Variants in GTF3C5 observed in about 807,000 individuals in gnomAD.
GTF3C5 encodes the protein general transcription factor 3C polypeptide 5.
A neutral mutation model predicts 61.0 loss-of-function variants in GTF3C5; 47 were observed. The ratio of observed to expected loss-of-function variants is 0.77; its 90% CI spans 0.61 to 0.98. GTF3C5 has a LOEUF of 0.98. Among genes scored for constraint, GTF3C5 ranks in the 50% least tolerant of loss-of-function variants. The probability of loss-of-function intolerance (pLI) is 0.00; values close to 1 mark genes in which losing one functional copy is unlikely to be tolerated. For synonymous variants in GTF3C5, 295 were observed against 275.4 expected (o/e 1.07, Z -0.71); for missense variants, 659 against 703.3 (o/e 0.94, Z 0.71).
At chr9:133,042,031 C>T in intron 1 of GTF3C5, 56 bp from the exon 2 acceptor site, 1 of 1,210,496 alleles carries the variant, frequency 8.3e-7, no homozygotes, top group Non-Finnish European at 1.2e-6. Context: ...GAGCAGCTCC[C>T]CACTGGCTGC....
chr9:133,034,173 T>C (rs989103285), intron 1 of GTF3C5, among the ~76,000 whole-genome samples: 13 of 152,132 alleles, frequency 8.5e-5, no homozygotes, highest in Non-Finnish European at 1.6e-4. Context: ...AGTGGAGCGA[T>C]GGATAAGTTA....
chr9:133,042,382 G>T, intron 2 of GTF3C5, 76 bp downstream of exon 2: 4 of 973,640 alleles, frequency 4.1e-6, no homozygotes, highest in Middle Eastern at 2.3e-4. Context: ...AGCTGTGTGG[G>T]TCATCTGCAC....
intron 10 of GTF3C5, among the ~76,000 whole-genome samples, 163 bp downstream of exon 10, chr9:133,057,071 G>A (rs940662229): frequency 6.6e-6 from 1 of 152,218 alleles, no homozygotes; most frequent in Non-Finnish European, 1.5e-5. Context: ...GCCCAGCCCA[G>A]GTGCTGGCAT....
At chr9:133,049,123 C>G (rs893164750) in intron 3 of GTF3C5, among the ~76,000 whole-genome samples, 1 of 152,222 alleles carries the variant, frequency 6.6e-6, no homozygotes, top group African/African-American at 2.4e-5. Context: ...ACTTTGCCAT[C>G]AGCACCCTTC....
At chr9:133,038,248 C>T (rs1849933855) in intron 1 of GTF3C5, among the ~76,000 whole-genome samples, 1 of 152,040 alleles carries the variant, frequency 6.6e-6, no homozygotes. Context: ...ATCTAATATC[C>T]GGGACACTGA....
At chr9:133,035,935 C>T (rs987747507) in intron 1 of GTF3C5, among the ~76,000 whole-genome samples, 2 of 152,296 alleles carry the variant, frequency 1.3e-5, no homozygotes, top group Non-Finnish European at 1.5e-5. Context: ...AGCCCGAAGG[C>T]GTACTTGGAA....
intron 3 of GTF3C5, among the ~76,000 whole-genome samples, chr9:133,046,680 G>A (rs1473402261): frequency 1.3e-5 from 2 of 152,182 alleles, no homozygotes; most frequent in Non-Finnish European, 2.9e-5. Context: ...CGGAGCATGA[G>A]TACATGGCTG....
intron 2 of GTF3C5, among the ~76,000 whole-genome samples, chr9:133,042,993 G>A (rs1850084080): frequency 6.6e-6 from 1 of 152,240 alleles, no homozygotes; most frequent in South Asian, 2.1e-4. Context: ...TGGCCCACAG[G>A]AGGTGCCTGG....
In GTF3C5 at chr9:133,042,234, A is replaced by G. The variant is rs779793365; in HGVS notation, c.301A>G (p.Thr101Ala). The G allele has an allele frequency of 1.2e-6, 2 of 1,613,738 alleles. No homozygotes were observed. The highest frequency in any genetic ancestry group is 1.1e-5 in the South Asian group (1 of 91,070). ...RTRRQKGVLG[T>A]EAHSEVTFDM... ...GAGGCGGCAGAAAGGGGTGCTGGGCACTGAGGCCCACTCCGAGGTCACATT... is the reference window on the plus strand; with the variant it reads ...GAGGCGGCAGAAAGGGGTGCTGGGCGCTGAGGCCCACTCCGAGGTCACATT... The change falls in exon 2 of 11, where the codon ACT (threonine) becomes GCT (alanine). Residue 101 changes from threonine to alanine, a missense_variant. By Grantham distance (58) the Thr-to-Ala change is moderately conservative. Coordinates refer to ENST00000372097, the MANE Select transcript of GTF3C5 (RefSeq NM_012087.4).
chr9:133,032,369 G>A (rs984999932), intron 1 of GTF3C5, among the ~76,000 whole-genome samples: 8 of 152,178 alleles, frequency 5.3e-5, no homozygotes, highest in African/African-American at 1.4e-4. Context: ...GTGACGGGAC[G>A]AGCGATTTCG....
Position 133,043,937 on chromosome 9 carries a change from C to T in GTF3C5, c.572+11C>T, listed in dbSNP as rs775157297. The T allele has an allele frequency of 3.1e-6, 5 of 1,602,152 alleles. No individual in the cohort carries two copies. The highest frequency in any genetic ancestry group is 1.1e-5 in the South Asian group (1 of 90,768). On this transcript the variant is annotated intron_variant, in intron 3 of 10. Coordinates refer to ENST00000372097, the MANE Select transcript of GTF3C5 (RefSeq NM_012087.4). ...AGAGACCCAGCACCGGTAAGGCCCC[C>T]CTCCATGCAGCCTCGGTTCTCTATC...
At chr9:133,044,035 C>T (rs1232970701) in intron 3 of GTF3C5, 109 bp downstream of exon 3, 8 of 771,368 alleles carry the variant, frequency 1.0e-5, no homozygotes, top group Non-Finnish European at 1.5e-5. Context: ...ATTCCAGCTA[C>T]TCGGGAGGCT....
At chr9:133,048,067 T>G (rs1333865067) in intron 3 of GTF3C5, among the ~76,000 whole-genome samples, 1 of 152,096 alleles carries the variant, frequency 6.6e-6, no homozygotes. Context: ...AGGTCAAAGC[T>G]GCAGTGAGCT....
At chr9:133,045,292 T>G (rs1203921891) in intron 3 of GTF3C5, among the ~76,000 whole-genome samples, 1 of 152,088 alleles carries the variant, frequency 6.6e-6, no homozygotes, top group Non-Finnish European at 1.5e-5. Flanking sequence ...ATCGTACACA[T>G]GAGGAAGCCG....
rs938239957 is a variant in GTF3C5 at position 133,058,263 on chromosome 9, A to G, written c.*283A>G. ...CATCCAGCCAGTGAGTGGGCACCCA[A>G]TGCCTCTCAGGATGAGACCAGTAAA... is the stretch of plus-strand genomic sequence containing the variant. On this transcript the variant is annotated 3_prime_UTR_variant, in exon 11 of 11. Coordinates refer to ENST00000372097, the MANE Select transcript of GTF3C5 (RefSeq NM_012087.4). 9.1e-5 allele frequency: 69 copies of G among 758,230 alleles called. No homozygotes were observed. Among genetic ancestry groups the G allele is most frequent in the African/African-American group, 4.8e-4 (26 of 54,172 alleles). The allele number at this position is 758,230 out of a possible 1,614,324, so 47.0% of individuals were successfully genotyped here. A position where few individuals can be genotyped will look rare whatever the true frequency, so the allele number is the denominator to read the frequency against.
In GTF3C5 at chr9:133,043,669, G is replaced by T. The variant is rs2118997231; in HGVS notation, c.374-59G>T. On this transcript the variant is annotated intron_variant, in intron 2 of 10. Coordinates refer to ENST00000372097, the MANE Select transcript of GTF3C5 (RefSeq NM_012087.4). The stretch of plus-strand genomic sequence containing the variant: ...TCCCTAAGCAGATGTGGGTGTCGGT[G>T]TGTGGCAGCTGCCCATTCCTGGACT... The T allele has an allele frequency of 3.7e-6, 5 of 1,358,242 alleles. No individual in the cohort carries two copies. In the South Asian group the frequency reaches 4.7e-5, roughly 13 times the overall value. 84.1% of individuals were successfully genotyped at this position (1,358,242 alleles called of 1,614,324 possible).
intron 9 of GTF3C5, 32 bp downstream of exon 9, chr9:133,056,126 G>C (rs781142288): frequency 1.3e-5 from 20 of 1,578,094 alleles, no homozygotes; most frequent in Non-Finnish European, 1.7e-5. Flanking sequence ...AGACACTGAG[G>C]GGGGCCCGTG....
At chr9:133,054,291 G>T (rs982329588) in intron 6 of GTF3C5, 117 bp from the exon 7 acceptor site, 2 of 793,090 alleles carry the variant, frequency 2.5e-6, no homozygotes, top group African/African-American at 3.4e-5. Flanking sequence ...GGCAGTCTGG[G>T]GTTGCCCTCT....
rs73556371 is a variant in GTF3C5, at chr9:133,034,180, G to A, written c.153+3016G>A. Among the ~76,000 whole-genome samples, 452 of 152,296 alleles carry A rather than the reference G, an allele frequency of 3.0e-3. 3 individuals carry two copies. Among genetic ancestry groups the A allele is most frequent in the African/African-American group, 0.01 (436 of 41,532 alleles). ...TTTGGTGGAGTGGAGCGATGGATAAGTTAGAGTTTTTGTTTGAGTTTCCGC... is the reference window on the plus strand; with the variant it reads ...TTTGGTGGAGTGGAGCGATGGATAAATTAGAGTTTTTGTTTGAGTTTCCGC... On this transcript the variant is annotated intron_variant, in intron 1 of 10. Transcript: ENST00000372097.
Sources: gnomAD v4.1 joint callset for allele counts (sites outside exome capture counted in the v4.1 genomes callset) on GRCh38, gnomAD v4.1.1 for gene constraint, MANE v1.5 for transcripts, NCBI Gene and HGNC (gene_info 2026-07-23, HGNC 2026-07-21) for gene names.